Variants in AFTPH observed in about 807,000 individuals in gnomAD.
The protein encoded by AFTPH is aftiphilin, also known as aftiphilin protein.
AFTPH carries 7 observed loss-of-function variants against 72.5 expected under a neutral mutation model. The observed-to-expected ratio is 0.10, with a 90% CI of 0.05 to 0.18. The LOEUF (loss-of-function observed/expected upper bound fraction) is 0.18, where lower values mean the gene tolerates loss of function less well. Among genes scored for constraint, AFTPH ranks in the 10% least tolerant of loss-of-function variants. The pLI is 1.00. For missense variants in AFTPH, 979 were observed against 1,060.5 expected, an observed-to-expected ratio of 0.92 and a Z score of 1.07; for synonymous variants, 337 against 370.1, an observed-to-expected ratio of 0.91 and a Z score of 1.03.
chr2:64,552,571 C>A, exon 2 of AFTPH: 1 of 1,614,092 alleles, frequency 6.2e-7, no homozygotes, highest in Non-Finnish European at 8.5e-7. Context: ...TCTAAATGTG[C>A]TCACCTATGC....
At chr2:64,528,757 A>C (rs1669430899) in intron 1 of AFTPH, among the ~76,000 whole-genome samples, 1 of 152,156 alleles carries the variant, frequency 6.6e-6, no homozygotes, top group Non-Finnish European at 1.5e-5. Context: ...AGAGTAGTAC[A>C]AATTGTGATC....
exon 2 of AFTPH, chr2:64,553,158 A>G (rs1280472245): frequency 1.2e-6 from 2 of 1,614,090 alleles, no homozygotes; most frequent in Non-Finnish European, 1.7e-6. Context: ...TGCAGACTTC[A>G]GTTCAGCTGG....
chr2:64,570,334 C>T (rs1000518724), intron 5 of AFTPH, among the ~76,000 whole-genome samples: 3 of 151,994 alleles, frequency 2.0e-5, no homozygotes, highest in Non-Finnish European at 2.9e-5. Flanking sequence ...TTACTATAAC[C>T]GTTAAATTGG....
At chr2:64,558,191 G>A (rs1671504950) in intron 2 of AFTPH, among the ~76,000 whole-genome samples, 1 of 152,096 alleles carries the variant, frequency 6.6e-6, no homozygotes, top group Admixed American at 6.6e-5. Context: ...ATCAACTCCT[G>A]TCCCTAAGCA....
At chr2:64,542,944 G>A (rs1248360611) in intron 1 of AFTPH, among the ~76,000 whole-genome samples, 1 of 152,178 alleles carries the variant, frequency 6.6e-6, no homozygotes, top group Admixed American at 6.5e-5. Flanking sequence ...GGTACTGAAG[G>A]TCTGGTATAG....
intron 6 of AFTPH, among the ~76,000 whole-genome samples, chr2:64,575,734 TGTGTG>T (rs1672731739): frequency 6.7e-6 from 1 of 148,186 alleles, no homozygotes; most frequent in Non-Finnish European, 1.5e-5. Flanking sequence ...TGTGTGTGTG[TGTGTG>T]TGTATATATT....
intron 6 of AFTPH, among the ~76,000 whole-genome samples, chr2:64,575,701 ATATGTGTGTGTG>A (rs1298019780): frequency 2.6e-5 from 3 of 115,580 alleles, no homozygotes; most frequent in African/African-American, 1.0e-4. Context: ...GTATGTGTGT[ATATGTGTGTGTG>A]TGTGTGTGTG....
intron 7 of AFTPH, chr2:64,581,252 A>AGCAGCAGCACCACAATCCCAG: frequency 6.3e-7 from 1 of 1,599,320 alleles, no homozygotes; most frequent in Admixed American, 1.7e-5. Flanking sequence ...CAGTAGCTCT[A>AGCAGCAGCACCACAATCCCAG]GCAGCAGCAC....
chr2:64,590,157 G>T (rs1319859518), intron 8 of AFTPH, among the ~76,000 whole-genome samples: 1 of 151,918 alleles, frequency 6.6e-6, no homozygotes, highest in Non-Finnish European at 1.5e-5. Context: ...TGGCTGTTGG[G>T]GCTCTTAAGT....
chr2:64,550,097 G>A (rs995157478), intron 1 of AFTPH, among the ~76,000 whole-genome samples: 2 of 152,198 alleles, frequency 1.3e-5, no homozygotes, highest in Non-Finnish European at 2.9e-5. Flanking sequence ...GAAAACATGG[G>A]TTCACATAGT....
intron 6 of AFTPH, among the ~76,000 whole-genome samples, chr2:64,576,119 G>A (rs868090939): frequency 7.5e-5 from 4 of 53,070 alleles, no homozygotes; most frequent in African/African-American, 3.4e-4. Context: ...ACACACACAC[G>A]TGTGTCATAC....
chr2:64,588,059 C>T (rs542341491), intron 8 of AFTPH, among the ~76,000 whole-genome samples: 2 of 152,268 alleles, frequency 1.3e-5, no homozygotes, highest in East Asian at 1.9e-4. Flanking sequence ...AATTCCAAAA[C>T]ATTTTTATCA....
intron 2 of AFTPH, among the ~76,000 whole-genome samples, chr2:64,558,315 A>T (rs537226303): frequency 6.6e-6 from 1 of 152,328 alleles, no homozygotes; most frequent in Non-Finnish European, 1.5e-5. Flanking sequence ...CTGCAACTTT[A>T]AGTGAAAGGA....
intron 6 of AFTPH, among the ~76,000 whole-genome samples, chr2:64,576,074 T>TACACACAC (rs55774717): frequency 6.8e-4 from 87 of 127,756 alleles, no homozygotes; most frequent in South Asian, 1.6e-3. Flanking sequence ...TTTGGCATGC[T>TACACACAC]ACACACACAC....
chr2:64,552,181 C>T (rs780297620), exon 2 of AFTPH: 1 of 1,613,708 alleles, frequency 6.2e-7, no homozygotes, highest in South Asian at 1.1e-5. Context: ...GATTTTGCCA[C>T]ATTTTCCAAA....
chr2:64,569,191 C>T (rs746444763), exon 4 of AFTPH: 7 of 1,613,772 alleles, frequency 4.3e-6, no homozygotes, highest in Non-Finnish European at 5.9e-6. Context: ...AGCTTTTGTC[C>T]TCCTTGGGAA....
At chr2:64,543,781 C>G (rs995618900) in intron 1 of AFTPH, among the ~76,000 whole-genome samples, 1 of 152,082 alleles carries the variant, frequency 6.6e-6, no homozygotes, top group African/African-American at 2.4e-5. Context: ...GTTGTTGGCC[C>G]CATTCCTTCC....
At chr2:64,550,376 GA>G (rs1346053317) in intron 1 of AFTPH, among the ~76,000 whole-genome samples, 1 of 152,052 alleles carries the variant, frequency 6.6e-6, no homozygotes, top group African/African-American at 2.4e-5. Context: ...AAAAGAAAAA[GA>G]AAAGGAATGA....
chr2:64,589,221 ATATGG>A (rs1475270334), intron 8 of AFTPH, among the ~76,000 whole-genome samples: 13 of 152,186 alleles, frequency 8.5e-5, no homozygotes, highest in African/African-American at 3.1e-4. Flanking sequence ...TAATTTCTGT[ATATGG>A]TATGAGGTAG....
Sources: gnomAD v4.1 joint callset for allele counts (sites outside exome capture counted in the v4.1 genomes callset) on GRCh38, gnomAD v4.1.1 for gene constraint, MANE v1.5 for transcripts, NCBI Gene and HGNC (gene_info 2026-07-23, HGNC 2026-07-21) for gene names.